WDR7: variants seen among roughly 807,000 people sequenced by gnomAD.
WDR7 encodes the protein WD repeat-containing protein 7.
In WDR7, 46 loss-of-function variants were observed where a neutral mutation model predicts 169.4. The ratio of observed to expected loss-of-function variants is 0.27; its 90% CI spans 0.21 to 0.35. The LOEUF (loss-of-function observed/expected upper bound fraction) is 0.35. Among genes scored for constraint, WDR7 ranks in the 10% least tolerant of loss-of-function variants. The pLI, the probability that WDR7 is intolerant of heterozygous loss-of-function variation, is 1.00. For missense variants in WDR7, 1,534 were observed against 1,859.3 expected (o/e 0.83, Z 3.22); for synonymous variants, 612 against 666.8 (o/e 0.92, Z 1.27).
At chr18:56,983,936 T>G (rs1474078769) in intron 26 of WDR7, among the ~76,000 whole-genome samples, 1 of 152,166 alleles carries the variant, frequency 6.6e-6, no homozygotes, top group Non-Finnish European at 1.5e-5. Flanking sequence ...CTTTTTTCAT[T>G]TCTTTTAAAT....
intron 21 of WDR7, among the ~76,000 whole-genome samples, chr18:56,900,082 GTATATATATA>G (rs1191116351): frequency 3.7e-4 from 12 of 32,064 alleles, no homozygotes; most frequent in African/African-American, 6.8e-4. Context: ...GTGTGTGTGT[GTATATATATA>G]TATATATATA....
chr18:56,880,366 T>C (rs2046089433), intron 21 of WDR7, among the ~76,000 whole-genome samples: 1 of 152,250 alleles, frequency 6.6e-6, no homozygotes, highest in South Asian at 2.1e-4. Flanking sequence ...CATCGTCTTT[T>C]AAATGCTATT....
chr18:56,874,315 T>C (rs897020493), intron 20 of WDR7, among the ~76,000 whole-genome samples: 1 of 152,110 alleles, frequency 6.6e-6, no homozygotes, highest in African/African-American at 2.4e-5. Flanking sequence ...GTGGTTTTTT[T>C]CCCCCTTTAG....
At chr18:56,755,180 G>A (rs2144932445) in intron 14 of WDR7, among the ~76,000 whole-genome samples, 1 of 151,654 alleles carries the variant, frequency 6.6e-6, no homozygotes, top group East Asian at 1.9e-4. Flanking sequence ...CCTATTTCTG[G>A]AACATTTTAT....
intron 21 of WDR7, among the ~76,000 whole-genome samples, chr18:56,917,145 C>T (rs9946279): frequency 0.055 from 8,398 of 151,744 alleles, 323 homozygotes; most frequent in East Asian, 0.1. Flanking sequence ...TGCAGTGAGC[C>T]GAGATCATGC....
chr18:56,704,461 C>G (rs2025904369), intron 12 of WDR7, among the ~76,000 whole-genome samples: 1 of 151,850 alleles, frequency 6.6e-6, no homozygotes, highest in African/African-American at 2.4e-5. Flanking sequence ...ATTGCTTGAG[C>G]CCTGGAGTTC....
chr18:56,925,551 T>C (rs1414685093), intron 22 of WDR7, among the ~76,000 whole-genome samples: 1 of 152,196 alleles, frequency 6.6e-6, no homozygotes, highest in Non-Finnish European at 1.5e-5. Flanking sequence ...GAATGGTGTT[T>C]CATTCTTGTC....
intron 27 of WDR7, among the ~76,000 whole-genome samples, chr18:57,021,205 G>C (rs2048284274): frequency 1.3e-5 from 2 of 152,204 alleles, no homozygotes; most frequent in Non-Finnish European, 2.9e-5. Flanking sequence ...TGTGGAGGAA[G>C]GGCTCAGTGT....
At chr18:56,863,129 C>A (rs2045831984) in intron 20 of WDR7, among the ~76,000 whole-genome samples, 1 of 151,598 alleles carries the variant, frequency 6.6e-6, no homozygotes, top group African/African-American at 2.4e-5. Flanking sequence ...TATTTGAAAA[C>A]AACATTTTGT....
chr18:56,785,182 C>T (rs2044379260), intron 19 of WDR7, among the ~76,000 whole-genome samples: 2 of 152,138 alleles, frequency 1.3e-5, no homozygotes, highest in East Asian at 1.9e-4. Context: ...ATTTGCTGTC[C>T]GAAGGGATCA....
At chr18:56,902,157 G>A (rs1465430774) in intron 21 of WDR7, among the ~76,000 whole-genome samples, 1 of 152,114 alleles carries the variant, frequency 6.6e-6, no homozygotes, top group Non-Finnish European at 1.5e-5. Flanking sequence ...AGTTGAACAG[G>A]CCACTCTGCT....
At chr18:56,799,746 A>G (rs537646757) in intron 19 of WDR7, among the ~76,000 whole-genome samples, 1 of 152,282 alleles carries the variant, frequency 6.6e-6, no homozygotes, top group African/African-American at 2.4e-5. Context: ...GTGCTGTGAA[A>G]CATTCTAACT....
downstream of WDR7, chr18:57,034,540 C>A (rs2048456843): frequency 1.3e-5 from 2 of 152,192 alleles, no homozygotes; most frequent in African/African-American, 4.8e-5. Context: ...GGACCCATCA[C>A]TGGTCGTGGG....
Position 56,736,726 on chromosome 18 carries a change from G to C in WDR7, c.1989+5129G>C, listed in dbSNP as rs560167143. 5.9e-5 allele frequency among the ~76,000 whole-genome samples: 9 copies of C among 152,166 alleles called. No individual in the cohort carries two copies. In the South Asian group the frequency reaches 1.9e-3, roughly 32 times the overall value. ...GTAGAGTTGGTTTGGTCAGAAATCA[G>C]GGTACAGTGAGCTGAGTATAAGAAG... is the stretch of plus-strand genomic sequence containing the variant. On this transcript the variant is annotated intron_variant, in intron 14 of 27. Transcript: ENST00000254442.
intron 20 of WDR7, among the ~76,000 whole-genome samples, chr18:56,821,931 C>T (rs1373118997): frequency 2.6e-5 from 4 of 151,874 alleles, no homozygotes; most frequent in African/African-American, 7.3e-5. Context: ...CTCAGGAGGT[C>T]GAGGCTGCAG....
intron 12 of WDR7, among the ~76,000 whole-genome samples, chr18:56,714,265 A>T (rs551953335): frequency 2.6e-5 from 4 of 152,196 alleles, no homozygotes; most frequent in African/African-American, 7.2e-5. Context: ...TTTTCTTGTG[A>T]GTTAAGTACC....
At chr18:57,011,593 G>T (rs1197303992) in intron 26 of WDR7, among the ~76,000 whole-genome samples, 1 of 152,140 alleles carries the variant, frequency 6.6e-6, no homozygotes, top group South Asian at 2.1e-4. Flanking sequence ...GCCAAAACAG[G>T]TTGACTTTAT....
intron 19 of WDR7, among the ~76,000 whole-genome samples, chr18:56,807,184 A>C (rs1000199999): frequency 6.6e-6 from 1 of 152,058 alleles, no homozygotes; most frequent in Non-Finnish European, 1.5e-5. Flanking sequence ...AAGGATTTCA[A>C]AGGTACCTTC....
chr18:56,774,108 A>G (rs2044206742), intron 16 of WDR7, among the ~76,000 whole-genome samples: 1 of 152,078 alleles, frequency 6.6e-6, no homozygotes, highest in Admixed American at 6.6e-5. Context: ...TTTATGTGCT[A>G]GGAAGATAAT....
Sources: allele counts gnomAD v4.1 joint callset (sites outside exome capture counted in the v4.1 genomes callset), GRCh38; gene constraint gnomAD v4.1.1; transcripts MANE v1.5; gene names NCBI Gene and HGNC (gene_info 2026-07-23, HGNC 2026-07-21).